EPHB2: variants seen among roughly 807,000 people sequenced by gnomAD.
The protein encoded by EPHB2 is EPH receptor B2, also known as ephrin type-B receptor 2.
A neutral mutation model predicts 96.4 loss-of-function variants in EPHB2; 18 were observed. The ratio of observed to expected loss-of-function variants is 0.19; its 90% CI spans 0.13 to 0.28. The LOEUF (loss-of-function observed/expected upper bound fraction) is 0.28, where lower values mean the gene tolerates loss of function less well. Among genes scored for constraint, EPHB2 ranks in the 10% least tolerant of loss-of-function variants. EPHB2 has a pLI of 1.00. For synonymous variants in EPHB2, 506 were observed against 534.1 expected (o/e 0.95, Z 0.72); for missense variants, 989 against 1,355.4 (o/e 0.73, Z 4.25).
intron 1 of EPHB2, among the ~76,000 whole-genome samples, chr1:22,723,531 G>T (rs1225844064): frequency 6.6e-6 from 1 of 152,254 alleles, no homozygotes; most frequent in African/African-American, 2.4e-5. Flanking sequence ...CAAAGCTCAG[G>T]ACTCCCTCTG....
At chr1:22,874,024 A>G (rs1638757872) in intron 5 of EPHB2, among the ~76,000 whole-genome samples, 1 of 152,184 alleles carries the variant, frequency 6.6e-6, no homozygotes, top group Non-Finnish European at 1.5e-5. Context: ...GAGAGAGGTA[A>G]CTTGCCTGCA....
chr1:22,893,998 G>A (rs2148568280), intron 7 of EPHB2, among the ~76,000 whole-genome samples: 1 of 152,270 alleles, frequency 6.6e-6, no homozygotes, highest in Non-Finnish European at 1.5e-5. Flanking sequence ...ACATTTCAGA[G>A]GCTCCTGGAC....
At chr1:22,888,340 C>T (rs1448202717) in intron 6 of EPHB2, among the ~76,000 whole-genome samples, 2 of 152,156 alleles carry the variant, frequency 1.3e-5, no homozygotes, top group African/African-American at 4.8e-5. Context: ...TGCGCCTGGC[C>T]TCTATAATGG....
rs59316223 is a variant in EPHB2 at position 22,911,143 on chromosome 1, AAAATAAAT to A, written c.2696+599_2696+606del. Among the ~76,000 whole-genome samples the A allele has an allele frequency of 5.6e-3, 744 of 133,812 alleles. 14 individuals carry two copies. Among genetic ancestry groups the A allele is most frequent in the African/African-American group, 0.022 (672 of 30,030 alleles). 87.8% of individuals were successfully genotyped at this position (133,812 alleles called of 152,430 possible). A position where few individuals can be genotyped will look rare whatever the true frequency, so the allele number is the denominator to read the frequency against. On this transcript the variant is annotated intron_variant, in intron 14 of 15. Coordinates refer to ENST00000374630, the MANE Select transcript of EPHB2 (RefSeq NM_017449.5). ...TGGCAAGAGTGAAACTCCATCTAAA[AAAATAAAT>A]AAATAAATAAATAAATAAATAAATA...
chr1:22,749,052 A>C (rs2218194), intron 1 of EPHB2, among the ~76,000 whole-genome samples: 34,791 of 144,680 alleles, frequency 0.24, 5,058 homozygotes, highest in Non-Finnish European at 0.32. Flanking sequence ...ATGGAGTTTC[A>C]CTCTGTTGCC....
intron 1 of EPHB2, among the ~76,000 whole-genome samples, chr1:22,725,102 G>T (rs1045995872): frequency 2.0e-5 from 3 of 152,140 alleles, no homozygotes; most frequent in Non-Finnish European, 4.4e-5. Flanking sequence ...CCTAGGTTAT[G>T]CCATACCATG....
chr1:22,859,533 T>C (rs911361020), intron 3 of EPHB2, among the ~76,000 whole-genome samples: 1 of 152,184 alleles, frequency 6.6e-6, no homozygotes, highest in Admixed American at 6.5e-5. Flanking sequence ...CAGTGGCTCA[T>C]GTCTGTAATC....
chr1:22,817,671 C>G lies in EPHB2; in HGVS notation c.811+32595C>G, dbSNP rs75469973. ...GTATAGACACGTACCTAGCAGATGC[C>G]CATGCTCCCTCATTCTTCTAGAGCT... is the stretch of plus-strand genomic sequence containing the variant. On this transcript the variant is annotated intron_variant, in intron 3 of 15. Coordinates refer to ENST00000374630, the MANE Select transcript of EPHB2 (RefSeq NM_017449.5). Among the ~76,000 whole-genome samples, 49 of 152,288 alleles carry G rather than the reference C, an allele frequency of 3.2e-4. No homozygotes were observed. In the East Asian group the frequency reaches 9.3e-3, roughly 29 times the overall value.
At chr1:22,820,314 G>C (rs1347065275) in intron 3 of EPHB2, among the ~76,000 whole-genome samples, 2 of 152,158 alleles carry the variant, frequency 1.3e-5, no homozygotes, top group Non-Finnish European at 2.9e-5. Context: ...GCTTTCATGG[G>C]GCTCCTAGGG....
chr1:22,777,446 G>A (rs548121540), intron 1 of EPHB2, among the ~76,000 whole-genome samples: 2 of 152,272 alleles, frequency 1.3e-5, no homozygotes, highest in South Asian at 4.1e-4. Flanking sequence ...AGATTTTTGG[G>A]ATTGGACGGG....
chr1:22,797,516 C>T (rs888071941), intron 3 of EPHB2, among the ~76,000 whole-genome samples: 1 of 152,058 alleles, frequency 6.6e-6, no homozygotes, highest in East Asian at 1.9e-4. Context: ...CCTTGGCCTC[C>T]TCTTCTCTCT....
At chr1:22,734,319 A>G (rs951239604) in intron 1 of EPHB2, among the ~76,000 whole-genome samples, 2 of 151,904 alleles carry the variant, frequency 1.3e-5, no homozygotes, top group African/African-American at 4.8e-5. Flanking sequence ...GCTTCACAAC[A>G]TCCTTGTGAG....
At position 22,892,968 on chromosome 1, in the gene EPHB2, G is replaced by A. The variant is rs1245548751; in HGVS notation, c.1513G>A (p.Val505Ile). Residue 505 changes from valine (V) to isoleucine (I), a missense_variant, in exon 7 of 16, where the codon GTC (valine) becomes ATC (isoleucine). Physicochemically the swap from Val to Ile is conservative, Grantham distance 29. Coordinates refer to ENST00000374630, the MANE Select transcript of EPHB2 (RefSeq NM_017449.5). ...VQGLKAGAIYVFQVRARTVAG... is the reference protein window; with the variant it reads ...VQGLKAGAIYIFQVRARTVAG... ...GGGCCTCAAAGCCGGCGCCATCTAT[G>A]TCTTCCAGGTGCGGGCACGCACCGT... 2 of 1,614,118 alleles carry A rather than the reference G, an allele frequency of 1.2e-6. No homozygotes were observed. The highest frequency in any genetic ancestry group is 2.7e-5 in the African/African-American group (2 of 74,954).
At chr1:22,912,993 GA>G (rs938504650) in intron 15 of EPHB2, 1 of 355,088 alleles carries the variant, frequency 2.8e-6, no homozygotes, top group African/African-American at 2.1e-5. Flanking sequence ...AGGAGTTCAA[GA>G]CCAGCCTGAC....
chr1:22,766,626 G>A (rs1044795319), intron 1 of EPHB2, among the ~76,000 whole-genome samples: 2 of 152,172 alleles, frequency 1.3e-5, no homozygotes, highest in African/African-American at 4.8e-5. Flanking sequence ...GTTGGGGGGA[G>A]GAGAGGGCTA....
chr1:22,712,988 T>C (rs1489885638), intron 1 of EPHB2, among the ~76,000 whole-genome samples: 1 of 152,186 alleles, frequency 6.6e-6, no homozygotes, highest in African/African-American at 2.4e-5. Context: ...GGGCCACATC[T>C]GTCCAGCCAT....
chr1:22,771,610 C>T (rs1644380268), intron 1 of EPHB2, among the ~76,000 whole-genome samples: 1 of 152,172 alleles, frequency 6.6e-6, no homozygotes, highest in Admixed American at 6.5e-5. Flanking sequence ...GCTTTCCTCC[C>T]CTCTTCTGTA....
At chr1:22,863,261 G>A (rs183122628) in intron 4 of EPHB2, 69 bp downstream of exon 4, 1 of 1,609,820 alleles carries the variant, frequency 6.2e-7, no homozygotes, top group African/African-American at 1.3e-5. Flanking sequence ...AAAGCTCAGA[G>A]TGAGGATTGG....
chr1:22,863,280 C>A, intron 4 of EPHB2, 88 bp downstream of exon 4: 1 of 1,590,236 alleles, frequency 6.3e-7, no homozygotes, highest in South Asian at 1.1e-5. Flanking sequence ...GGGTGCCGTC[C>A]GGTTACAGCC....
Sources: allele counts gnomAD v4.1 joint callset (sites outside exome capture counted in the v4.1 genomes callset), GRCh38; gene constraint gnomAD v4.1.1; transcripts MANE v1.5; gene names NCBI Gene and HGNC (gene_info 2026-07-23, HGNC 2026-07-21).